Variants in C8orf34 observed in about 807,000 individuals in gnomAD.
C8orf34 encodes uncharacterized protein C8orf34.
C8orf34 carries 65 observed loss-of-function variants against 68.3 expected under a neutral mutation model. The ratio of observed to expected loss-of-function variants is 0.95; its 90% CI spans 0.78 to 1.17. The LOEUF (loss-of-function observed/expected upper bound fraction) is 1.17, where lower values mean the gene tolerates loss of function less well. Among genes scored for constraint, C8orf34 ranks in the 50% most tolerant of loss-of-function variants. C8orf34 has a pLI of 0.00. For synonymous variants in C8orf34, 244 were observed against 241.2 expected, an observed-to-expected ratio of 1.01 and a Z score of -0.11; for missense variants, 664 against 655.4, an observed-to-expected ratio of 1.01 and a Z score of -0.14.
chr8:68,458,738 A>T (rs1187584605), intron 3 of C8orf34, among the ~76,000 whole-genome samples: 2 of 152,128 alleles, frequency 1.3e-5, no homozygotes, highest in Non-Finnish European at 2.9e-5. Context: ...TGGGCCTCGA[A>T]GTGTTTTCTG....
chr8:68,473,697 T>C (rs941861990), intron 4 of C8orf34, among the ~76,000 whole-genome samples: 4 of 152,152 alleles, frequency 2.6e-5, no homozygotes, highest in Admixed American at 2.6e-4. Context: ...TCTTTTTAAC[T>C]CATATGTCAG....
At chr8:68,790,674 G>C in intron 12 of C8orf34, 1 of 434,854 alleles carries the variant, frequency 2.3e-6, no homozygotes, top group East Asian at 3.4e-5. Context: ...ATAAATTCAA[G>C]TGTGAAAAAA....
chr8:68,401,160 G>T (rs1808937839), intron 1 of C8orf34, among the ~76,000 whole-genome samples: 1 of 138,430 alleles, frequency 7.2e-6, no homozygotes. Flanking sequence ...ATGCCTTCTT[G>T]ATTTGGTTCT....
intron 8 of C8orf34, among the ~76,000 whole-genome samples, chr8:68,667,128 G>A (rs957040715): frequency 1.3e-5 from 2 of 151,960 alleles, no homozygotes; most frequent in Admixed American, 6.5e-5. Flanking sequence ...GAAAATTAAA[G>A]GACACTCCCT....
chr8:68,671,918 T>A (rs74926485), intron 8 of C8orf34, among the ~76,000 whole-genome samples: 1 of 152,254 alleles, frequency 6.6e-6, no homozygotes, highest in East Asian at 1.9e-4. Flanking sequence ...ACAGTATAAG[T>A]CATTATAGGG....
intron 7 of C8orf34, among the ~76,000 whole-genome samples, chr8:68,593,454 A>G (rs1487473131): frequency 1.3e-5 from 2 of 152,052 alleles, no homozygotes; most frequent in Non-Finnish European, 2.9e-5. Flanking sequence ...GTCCATCTTT[A>G]AAACTTAGTC....
chr8:68,552,270 T>C (rs1816098750), intron 7 of C8orf34, among the ~76,000 whole-genome samples: 1 of 152,220 alleles, frequency 6.6e-6, no homozygotes, highest in Admixed American at 6.5e-5. Context: ...ACAAATTTCA[T>C]TAAATCTGTA....
intron 4 of C8orf34, among the ~76,000 whole-genome samples, chr8:68,476,132 G>T (rs1812607377): frequency 6.6e-6 from 1 of 152,188 alleles, no homozygotes; most frequent in Non-Finnish European, 1.5e-5. Flanking sequence ...GGATAATGTG[G>T]CAATTACTTG....
intron 3 of C8orf34, chr8:68,447,256 C>G (rs1376243858): frequency 6.6e-6 from 1 of 152,162 alleles, no homozygotes; most frequent in Non-Finnish European, 1.5e-5. Context: ...CAGCACCAAG[C>G]CACTCATGAG....
chr8:68,739,136 A>G (rs148147366), intron 10 of C8orf34, among the ~76,000 whole-genome samples: 2 of 152,302 alleles, frequency 1.3e-5, no homozygotes, highest in Non-Finnish European at 2.9e-5. Flanking sequence ...GGTTGGTTCA[A>G]CATATGCAAA....
At chr8:68,505,672 C>T (rs1022372123) in intron 5 of C8orf34, among the ~76,000 whole-genome samples, 2 of 134,754 alleles carry the variant, frequency 1.5e-5, no homozygotes, top group South Asian at 2.2e-4. Flanking sequence ...CGGAGCTTGC[C>T]GTGAGCCGAG....
intron 10 of C8orf34, among the ~76,000 whole-genome samples, chr8:68,751,939 T>C (rs1822720528): frequency 6.6e-6 from 1 of 151,984 alleles, no homozygotes; most frequent in Non-Finnish European, 1.5e-5. Flanking sequence ...TATATATACA[T>C]ACCCACAGTG....
chr8:68,509,226 G>A (rs1006716123), intron 5 of C8orf34, among the ~76,000 whole-genome samples: 2 of 152,222 alleles, frequency 1.3e-5, no homozygotes, highest in African/African-American at 4.8e-5. Flanking sequence ...AAGGGTTCCA[G>A]CAGAAGGGGC....
chr8:68,441,432 C>T (rs1277664699), intron 2 of C8orf34, among the ~76,000 whole-genome samples: 3 of 152,176 alleles, frequency 2.0e-5, no homozygotes. Context: ...AATTCTTCCT[C>T]CTGTTCTTTT....
At chr8:68,341,486 A>G (rs904865538) in intron 1 of C8orf34, among the ~76,000 whole-genome samples, 8 of 152,218 alleles carry the variant, frequency 5.3e-5, no homozygotes, top group African/African-American at 1.9e-4. Context: ...ATATTAATGG[A>G]ATACTGGGTA....
At chr8:68,655,155 A>G (rs1412287439) in intron 8 of C8orf34, among the ~76,000 whole-genome samples, 1 of 152,154 alleles carries the variant, frequency 6.6e-6, no homozygotes, top group Non-Finnish European at 1.5e-5. Flanking sequence ...ATAGCTTTAG[A>G]TGTAATTAGG....
chr8:68,437,382 A>G (rs1810709510), intron 1 of C8orf34, among the ~76,000 whole-genome samples: 1 of 152,164 alleles, frequency 6.6e-6, no homozygotes, highest in Non-Finnish European at 1.5e-5. Context: ...TTAAAGTTCC[A>G]TTACCTGACT....
chr8:68,780,412 A>G (rs1823641858), intron 11 of C8orf34, among the ~76,000 whole-genome samples: 1 of 152,214 alleles, frequency 6.6e-6, no homozygotes, highest in Non-Finnish European at 1.5e-5. Context: ...GTACAATCCC[A>G]AAGTATAGTG....
At chr8:68,639,140 G>A (rs1300293462) in intron 7 of C8orf34, among the ~76,000 whole-genome samples, 1 of 152,114 alleles carries the variant, frequency 6.6e-6, no homozygotes, top group East Asian at 1.9e-4. Flanking sequence ...GGAGGAGCCT[G>A]TAATTAGCTC....
Sources: allele counts gnomAD v4.1 joint callset (sites outside exome capture counted in the v4.1 genomes callset), GRCh38; gene constraint gnomAD v4.1.1; transcripts MANE v1.5; gene names NCBI Gene and HGNC (gene_info 2026-07-23, HGNC 2026-07-21).